Variants in JPH3 observed in about 807,000 individuals in gnomAD.
The protein encoded by JPH3 is junctophilin 3, also known as junctophilin-3.
A neutral mutation model predicts 59.6 loss-of-function variants in JPH3; 11 were observed. The ratio of observed to expected loss-of-function variants is 0.18; its 90% confidence interval spans 0.12 to 0.31. JPH3 has a LOEUF of 0.31. JPH3 is among the 10% of genes least tolerant of loss of function. The pLI is 1.00. For missense variants in JPH3, 1,202 were observed against 1,105.7 expected (o/e 1.09, Z -1.24); for synonymous variants, 673 against 483.6 (o/e 1.39, Z -5.14).
chr16:87,685,036 GCT>G (rs1434176686), intron 3 of JPH3, among the ~76,000 whole-genome samples: 1 of 152,174 alleles, frequency 6.6e-6, no homozygotes, highest in Non-Finnish European at 1.5e-5. Flanking sequence ...TTCGGATGAG[GCT>G]CTGCGCGCTG....
intron 1 of JPH3, among the ~76,000 whole-genome samples, chr16:87,607,534 G>A (rs1047533623): frequency 7.2e-5 from 11 of 152,254 alleles, no homozygotes; most frequent in Non-Finnish European, 2.9e-5. Context: ...TTGCGGCCTT[G>A]CTTGCTCTCC....
intron 1 of JPH3, among the ~76,000 whole-genome samples, chr16:87,614,934 CGTCCCCTCCCGGG>C (rs2030897157): frequency 1.7e-5 from 1 of 59,086 alleles, no homozygotes. Flanking sequence ...AGGAGCCGCG[CGTCCCCTCCCGGG>C]ATAAACGCTG....
intron 1 of JPH3, among the ~76,000 whole-genome samples, chr16:87,610,696 T>A (rs1290939070): frequency 6.6e-6 from 1 of 152,194 alleles, no homozygotes; most frequent in African/African-American, 2.4e-5. Context: ...TCTAATTCCT[T>A]GATCAGTTTT....
At chr16:87,677,967 T>C (rs1206025344) in intron 2 of JPH3, among the ~76,000 whole-genome samples, 1 of 152,192 alleles carries the variant, frequency 6.6e-6, no homozygotes, top group Non-Finnish European at 1.5e-5. Context: ...AGACCCTGTA[T>C]GTAAGGCTGG....
intron 2 of JPH3, chr16:87,653,967 C>G (rs2032409482): frequency 6.6e-6 from 1 of 152,220 alleles, no homozygotes; most frequent in Non-Finnish European, 1.5e-5. Context: ...TCTCTGCAGG[C>G]AACAGAATGG....
At chr16:87,604,430 C>T (rs1020252316) in intron 1 of JPH3, 21 of 1,386,160 alleles carry the variant, frequency 1.5e-5, no homozygotes, top group Middle Eastern at 1.9e-4. Flanking sequence ...ACGCATGGAG[C>T]CGGTCCTTTC....
chr16:87,648,123 C>T (rs1038985420), intron 2 of JPH3, among the ~76,000 whole-genome samples: 9 of 152,098 alleles, frequency 5.9e-5, no homozygotes, highest in Admixed American at 1.3e-4. Flanking sequence ...CTCACTGGTG[C>T]GACCCTTGGA....
chr16:87,648,279 C>T (rs143549072), intron 2 of JPH3, among the ~76,000 whole-genome samples: 33 of 152,252 alleles, frequency 2.2e-4, no homozygotes, highest in Non-Finnish European at 3.7e-4. Flanking sequence ...GAGAGTCTGC[C>T]GCCCTGGAGA....
intron 2 of JPH3, among the ~76,000 whole-genome samples, chr16:87,680,550 G>T (rs2033263242): frequency 6.6e-6 from 1 of 152,240 alleles, no homozygotes; most frequent in Non-Finnish European, 1.5e-5. Context: ...TGCAAGAAAG[G>T]CGGGATCTGT....
At chr16:87,627,361 T>A (rs570217185) in intron 1 of JPH3, among the ~76,000 whole-genome samples, 4 of 152,324 alleles carry the variant, frequency 2.6e-5, no homozygotes, top group African/African-American at 9.6e-5. Context: ...ATTGTAACGA[T>A]AACAGCAGCG....
intron 1 of JPH3, among the ~76,000 whole-genome samples, chr16:87,609,246 C>G (rs1439348591): frequency 6.6e-6 from 1 of 152,114 alleles, no homozygotes; most frequent in Non-Finnish European, 1.5e-5. Context: ...GGGGGTGAGA[C>G]TTTATTTTTT....
In JPH3 at chr16:87,624,182, G is replaced by A. The variant is rs577778723; in HGVS notation, c.383-20076G>A. Among the ~76,000 whole-genome samples the A allele has an allele frequency of 3.3e-5, 5 of 152,296 alleles. No homozygotes were observed. The South Asian group carries it at 6.2e-4, about 19-fold the overall frequency. ...TTTGCTGACATATGTTTCACACACC[G>A]TACAATTCACCCATTTAAACTGTAC... On this transcript the variant is annotated intron_variant, in intron 1 of 4. Coordinates refer to ENST00000284262, the MANE Select transcript of JPH3 (RefSeq NM_020655.4).
chr16:87,630,744 A>G lies in JPH3; in HGVS notation c.383-13514A>G, dbSNP rs541776756. 2.7e-3 allele frequency among the ~76,000 whole-genome samples: 416 copies of G among 152,304 alleles called. 6 individuals are homozygous for G. The highest frequency in any genetic ancestry group is 9.1e-3 in the African/African-American group (377 of 41,548). On this transcript the variant is annotated intron_variant, in intron 1 of 4. Coordinates refer to ENST00000284262, the MANE Select transcript of JPH3 (RefSeq NM_020655.4). ...TTCAGAGACTGACCACCATGTTTTT[A>G]AGTGGGTGTGTTTGCCGCTTCCTGA...
At chr16:87,664,467 A>G (rs2032799941) in intron 2 of JPH3, among the ~76,000 whole-genome samples, 1 of 145,448 alleles carries the variant, frequency 6.9e-6, no homozygotes, top group East Asian at 2.1e-4. Context: ...TCTACTAAAG[A>G]TACAAAAATT....
At chr16:87,658,172 C>T (rs149767614) in intron 2 of JPH3, among the ~76,000 whole-genome samples, 1 of 152,134 alleles carries the variant, frequency 6.6e-6, no homozygotes, top group Non-Finnish European at 1.5e-5. Flanking sequence ...ATTCAGCAAA[C>T]AGTGAATGGA....
At chr16:87,648,579 G>A (rs2032229623) in intron 2 of JPH3, among the ~76,000 whole-genome samples, 1 of 152,156 alleles carries the variant, frequency 6.6e-6, no homozygotes, top group African/African-American at 2.4e-5. Context: ...AGGGAAGTGG[G>A]TTTTCCTGGA....
In JPH3 at chr16:87,644,502, CAAG is replaced by C. The variant is rs761668639; in HGVS notation, c.634_636del (p.Lys212del). On this transcript the variant is annotated inframe_deletion, in exon 2 of 5. Transcript: ENST00000284262. Reference sequence around the variant, plus strand: ...ACAGTGACTCCGAGATCCTCAAGAGCAAGAAGAAGGGGCTGTTTCGGCGCTCGC... The same window carrying C: ...ACAGTGACTCCGAGATCCTCAAGAGCAAGAAGGGGCTGTTTCGGCGCTCGC... 5.6e-6 allele frequency: 9 copies of C among 1,612,884 alleles called. No individual in the cohort carries two copies. Among genetic ancestry groups the C allele is most frequent in the East Asian group, 4.5e-5 (2 of 44,824 alleles).
intron 4 of JPH3, chr16:87,695,279 T>A (rs1026505466): frequency 4.2e-5 from 19 of 455,722 alleles, no homozygotes; most frequent in African/African-American, 3.8e-4. Context: ...CTTTGAAATT[T>A]GACCAGAGGC....
At chr16:87,616,972 C>A (rs769086596) in intron 1 of JPH3, among the ~76,000 whole-genome samples, 3 of 152,228 alleles carry the variant, frequency 2.0e-5, no homozygotes, top group Admixed American at 6.5e-5. Context: ...CGCCTGTAAT[C>A]CCAGCACTTT....
Sources: allele counts gnomAD v4.1 joint callset (sites outside exome capture counted in the v4.1 genomes callset), GRCh38; gene constraint gnomAD v4.1.1; transcripts MANE v1.5; gene names NCBI Gene and HGNC (gene_info 2026-07-23, HGNC 2026-07-21).